The following DENND5B variants were observed in gnomAD, a reference collection of about 807,000 sequenced individuals.
DENND5B encodes the protein DENN domain-containing protein 5B.
A neutral mutation model predicts 140.6 loss-of-function variants in DENND5B; 34 were observed. The ratio of observed to expected loss-of-function variants is 0.24; its 90% CI spans 0.18 to 0.32. The LOEUF is 0.32. DENND5B is among the 10% of genes least tolerant of loss of function. The pLI is 1.00. For missense variants in DENND5B, 1,142 were observed against 1,560.2 expected, an observed-to-expected ratio of 0.73 and a Z score of 4.52; for synonymous variants, 551 against 562.1, an observed-to-expected ratio of 0.98 and a Z score of 0.28.
intron 5 of DENND5B, among the ~76,000 whole-genome samples, chr12:31,451,371 C>G (rs577921907): frequency 6.6e-6 from 1 of 151,846 alleles, no homozygotes; most frequent in Non-Finnish European, 1.5e-5. Flanking sequence ...TTGCCCAGGC[C>G]GGAGTACAGT....
At chr12:31,533,542 AG>A (rs1948370920) in intron 1 of DENND5B, among the ~76,000 whole-genome samples, 1 of 152,136 alleles carries the variant, frequency 6.6e-6, no homozygotes, top group African/African-American at 2.4e-5. Flanking sequence ...TTGCTTTGTA[AG>A]GTTTCTATAA....
chr12:31,443,058 G>A, intron 6 of DENND5B, 133 bp from the exon 7 acceptor site: 1 of 824,244 alleles, frequency 1.2e-6, no homozygotes, highest in Middle Eastern at 3.7e-4. Context: ...GTGTGTGTGT[G>A]TGTGTGCACG....
At chr12:31,584,117 C>G (rs1950307578) in intron 1 of DENND5B, among the ~76,000 whole-genome samples, 1 of 152,194 alleles carries the variant, frequency 6.6e-6, no homozygotes, top group Non-Finnish European at 1.5e-5. Flanking sequence ...CTGTGACCAA[C>G]AGTGGAAATA....
At chr12:31,450,711 A>G (rs1944474007) in intron 5 of DENND5B, among the ~76,000 whole-genome samples, 1 of 152,166 alleles carries the variant, frequency 6.6e-6, no homozygotes, top group African/African-American at 2.4e-5. Context: ...AGTACTGTAG[A>G]TTAGCCTCTT....
chr12:31,526,553 C>T (rs1041828734), intron 1 of DENND5B, among the ~76,000 whole-genome samples: 1 of 152,172 alleles, frequency 6.6e-6, no homozygotes, highest in Non-Finnish European at 1.5e-5. Flanking sequence ...GAAATATTCA[C>T]TTGAGCAAAT....
intron 14 of DENND5B, among the ~76,000 whole-genome samples, chr12:31,404,231 A>G (rs1395191492): frequency 2.6e-5 from 4 of 152,112 alleles, no homozygotes; most frequent in Admixed American, 2.6e-4. Flanking sequence ...TCTCAAAACA[A>G]AAAGGGGGCA....
At chr12:31,484,875 C>T (rs1338051866) in intron 2 of DENND5B, among the ~76,000 whole-genome samples, 1 of 152,138 alleles carries the variant, frequency 6.6e-6, no homozygotes, top group Non-Finnish European at 1.5e-5. Context: ...TTATTCTACA[C>T]AGCAACAACG....
In DENND5B at chr12:31,558,392, C is replaced by T. The variant is rs117879832; in HGVS notation, c.127+32314G>A. ...GATTATTACAGTGCAACTACAAGAA[C>T]AGCACAATAAGAGAAATGGTTCTCA... On this transcript the variant is annotated intron_variant, in intron 1 of 20. Coordinates refer to ENST00000389082, the MANE Select transcript of DENND5B (RefSeq NM_144973.4). Among the ~76,000 whole-genome samples, 3 of 152,102 alleles carry T rather than the reference C, an allele frequency of 2.0e-5. No individual in the cohort carries two copies. The East Asian group carries it at 5.8e-4, about 29-fold the overall frequency.
At chr12:31,402,776 A>G in intron 14 of DENND5B, 133 bp from the exon 15 acceptor site, 2 of 1,090,140 alleles carry the variant, frequency 1.8e-6, no homozygotes, top group Non-Finnish European at 2.5e-6. Context: ...TACTTATACG[A>G]AAAGTTGAGA....
intron 1 of DENND5B, among the ~76,000 whole-genome samples, chr12:31,512,404 T>A (rs1316143115): frequency 1.5e-4 from 20 of 135,980 alleles, no homozygotes; most frequent in Middle Eastern, 3.6e-3. Context: ...TTTTTTTTTT[T>A]AATTTTTAGT....
intron 8 of DENND5B, among the ~76,000 whole-genome samples, chr12:31,427,917 T>C (rs1275424608): frequency 2.0e-5 from 3 of 152,150 alleles, no homozygotes; most frequent in Non-Finnish European, 4.4e-5. Flanking sequence ...ATTTAATATA[T>C]TTCTCCTTTG....
intron 1 of DENND5B, among the ~76,000 whole-genome samples, chr12:31,496,147 G>A (rs1354754080): frequency 1.3e-5 from 2 of 152,148 alleles, no homozygotes; most frequent in Non-Finnish European, 2.9e-5. Context: ...CTACTCAACT[G>A]ATACTAAAAA....
chr12:31,471,328 T>A (rs1360196348), intron 3 of DENND5B, among the ~76,000 whole-genome samples: 1 of 152,184 alleles, frequency 6.6e-6, no homozygotes, highest in East Asian at 1.9e-4. Flanking sequence ...AATTTTGTTG[T>A]GTTTGAGAAG....
chr12:31,409,092 G>T (rs571717075), intron 14 of DENND5B, among the ~76,000 whole-genome samples, 171 bp downstream of exon 14: 1 of 152,202 alleles, frequency 6.6e-6, no homozygotes, highest in Non-Finnish European at 1.5e-5. Flanking sequence ...ACAGCCAAGG[G>T]TTTCCTGTAG....
At chr12:31,489,142 G>A (rs1223328886) in intron 2 of DENND5B, among the ~76,000 whole-genome samples, 1 of 152,088 alleles carries the variant, frequency 6.6e-6, no homozygotes, top group African/African-American at 2.4e-5. Flanking sequence ...ATAGGACAAC[G>A]GCTGGAGCAA....
At chr12:31,560,542 T>C (rs1036018499) in intron 1 of DENND5B, among the ~76,000 whole-genome samples, 1 of 152,178 alleles carries the variant, frequency 6.6e-6, no homozygotes, top group Admixed American at 6.5e-5. Flanking sequence ...CCTCCCTGCA[T>C]ACACACACAC....
Position 31,424,549 on chromosome 12 carries a change from A to G in DENND5B, c.2377T>C (p.Leu793=). 6.2e-7 allele frequency: 1 copy of G among 1,613,640 alleles called. No homozygotes were observed. Among genetic ancestry groups the G allele is most frequent in the Non-Finnish European group, 8.5e-7 (1 of 1,179,784 alleles). Residue 793 remains leucine, a synonymous_variant, in exon 10 of 21, where the codon TTG becomes CTG. Transcript: ENST00000389082. ...DLLERIWSHG[L]QVKQGKSALW... Reference sequence around the variant, plus strand: ...AAAACTGTTACCTGCTTGACCTGCAAGCCATGGCTCCATATCCTCTCCAGC... The same window carrying G: ...AAAACTGTTACCTGCTTGACCTGCAGGCCATGGCTCCATATCCTCTCCAGC...
At chr12:31,490,187 T>C (rs966113007) in intron 2 of DENND5B, among the ~76,000 whole-genome samples, 1 of 149,544 alleles carries the variant, frequency 6.7e-6, no homozygotes, top group Non-Finnish European at 1.5e-5. Flanking sequence ...TTGGATATGT[T>C]GCATTTGAGA....
chr12:31,419,765 G>C (rs1180891201), intron 11 of DENND5B, among the ~76,000 whole-genome samples: 1 of 151,946 alleles, frequency 6.6e-6, no homozygotes, highest in African/African-American at 2.4e-5. Flanking sequence ...CCTGAGGTCA[G>C]GAGTTTGAGA....
Sources: allele counts gnomAD v4.1 joint callset (sites outside exome capture counted in the v4.1 genomes callset), GRCh38; gene constraint gnomAD v4.1.1; transcripts MANE v1.5; gene names NCBI Gene and HGNC (gene_info 2026-07-23, HGNC 2026-07-21).